WDR7: variants seen among roughly 807,000 people sequenced by gnomAD.
WDR7 encodes WD repeat domain 7, also known as WD repeat-containing protein 7.
WDR7 carries 46 observed loss-of-function variants against 169.4 expected under a neutral mutation model. The ratio of observed to expected loss-of-function variants is 0.27; its 90% CI spans 0.21 to 0.35. The LOEUF is 0.35. WDR7 is among the 10% of genes least tolerant of loss of function. The pLI, the probability that WDR7 is intolerant of heterozygous loss-of-function variation, is 1.00. For synonymous variants in WDR7, 612 were observed against 666.8 expected (o/e 0.92, Z 1.27); for missense variants, 1,534 against 1,859.3 (o/e 0.83, Z 3.22).
intron 21 of WDR7, among the ~76,000 whole-genome samples, chr18:56,902,978 C>T (rs149704768): frequency 1.4e-3 from 211 of 152,222 alleles, no homozygotes; most frequent in African/African-American, 4.9e-3. Context: ...CGTGGTTGCC[C>T]TCCTGACACA....
intron 13 of WDR7, among the ~76,000 whole-genome samples, chr18:56,729,562 A>G (rs780255858): frequency 3.7e-4 from 57 of 152,174 alleles, no homozygotes; most frequent in Middle Eastern, 4.0e-3. Context: ...ATAGCAGAGC[A>G]TGCTTTTAAA....
intron 25 of WDR7, chr18:56,957,397 T>C (rs1162114621): frequency 6.6e-6 from 1 of 151,484 alleles, no homozygotes; most frequent in Non-Finnish European, 1.5e-5. Flanking sequence ...TCCCTTCAAC[T>C]GCGCTTTGCC....
At chr18:56,890,715 A>G (rs188363388) in intron 21 of WDR7, 7 of 152,290 alleles carry the variant, frequency 4.6e-5, no homozygotes, top group African/African-American at 1.4e-4. Flanking sequence ...TGGCACTTGG[A>G]ATGAATCTGG....
chr18:56,667,553 A>G (rs1287381215), intron 1 of WDR7, among the ~76,000 whole-genome samples: 1 of 152,214 alleles, frequency 6.6e-6, no homozygotes, highest in Admixed American at 6.5e-5. Context: ...TTAATAAATT[A>G]TGGTTAAGCA....
At chr18:56,793,896 A>G (rs1224784314) in intron 19 of WDR7, among the ~76,000 whole-genome samples, 1 of 152,164 alleles carries the variant, frequency 6.6e-6, no homozygotes, top group African/African-American at 2.4e-5. Context: ...TGGGGAGAAA[A>G]CACATCAAAC....
At chr18:56,824,975 C>T (rs948497118) in intron 20 of WDR7, among the ~76,000 whole-genome samples, 1 of 152,202 alleles carries the variant, frequency 6.6e-6, no homozygotes, top group South Asian at 2.1e-4. Flanking sequence ...ATAGAATTCT[C>T]AGAGAATCCC....
At chr18:56,740,372 T>C (rs1226226643) in intron 14 of WDR7, among the ~76,000 whole-genome samples, 5 of 152,198 alleles carry the variant, frequency 3.3e-5, no homozygotes, top group African/African-American at 9.6e-5. Context: ...ATCTGCCAAC[T>C]CTAATATCTG....
At chr18:56,972,162 C>G (rs73444865) in intron 26 of WDR7, among the ~76,000 whole-genome samples, 6,618 of 152,160 alleles carry the variant, frequency 0.043, 452 homozygotes, top group African/African-American at 0.15. Context: ...GTCAAGCACT[C>G]TAAGACACTA....
At chr18:56,832,178 G>C (rs893818670) in intron 20 of WDR7, among the ~76,000 whole-genome samples, 4 of 152,176 alleles carry the variant, frequency 2.6e-5, no homozygotes, top group African/African-American at 9.7e-5. Flanking sequence ...CCATTACTGA[G>C]GCTTCAGTAG....
At chr18:56,738,575 C>T (rs1031230240) in intron 14 of WDR7, among the ~76,000 whole-genome samples, 6 of 152,052 alleles carry the variant, frequency 3.9e-5, no homozygotes, top group African/African-American at 1.4e-4. Context: ...AACAAACAAA[C>T]AAATTATTTT....
At chr18:56,844,026 C>G (rs1312478303) in intron 20 of WDR7, among the ~76,000 whole-genome samples, 1 of 151,780 alleles carries the variant, frequency 6.6e-6, no homozygotes, top group Non-Finnish European at 1.5e-5. Flanking sequence ...CCACGCCTGG[C>G]TAATTTTTGT....
At chr18:56,891,505 G>A (rs1033088462) in intron 21 of WDR7, among the ~76,000 whole-genome samples, 2 of 151,916 alleles carry the variant, frequency 1.3e-5, no homozygotes, top group South Asian at 2.1e-4. Flanking sequence ...GTTGTTAAAT[G>A]TGTTTGTAGA....
intron 19 of WDR7, among the ~76,000 whole-genome samples, chr18:56,793,912 C>A (rs1037159669): frequency 6.6e-6 from 1 of 152,102 alleles, no homozygotes; most frequent in Non-Finnish European, 1.5e-5. Flanking sequence ...CAAACAGGGA[C>A]CATTTCAGAG....
intron 20 of WDR7, among the ~76,000 whole-genome samples, chr18:56,864,296 T>G (rs374641803): frequency 6.6e-6 from 1 of 151,558 alleles, no homozygotes; most frequent in Non-Finnish European, 1.5e-5. Context: ...TCAAATATCA[T>G]CTGGTTAAAT....
Position 56,672,668 on chromosome 18 carries a change from A to G in WDR7, c.153A>G (p.Glu51=), listed in dbSNP as rs755486904. 9 of 1,607,598 alleles carry G rather than the reference A, an allele frequency of 5.6e-6. No homozygotes were observed. Among genetic ancestry groups the G allele is most frequent in the African/African-American group, 1.3e-5 (1 of 74,704 alleles). Residue 51 remains glutamate (E), a synonymous_variant, in exon 2 of 28, where the codon GAA becomes GAG. Transcript: ENST00000254442. ...GQICLWDLSV[E]LQINPRALLF... is the part of the protein sequence containing the mutation. ...TATGTCTCTGGGATCTTTCAGTAGA[A>G]CTGCAAGTGAGTATGTGAAATGCCT... is the stretch of plus-strand genomic sequence containing the variant.
At chr18:57,017,480 T>TGC (rs1348277140) in intron 26 of WDR7, among the ~76,000 whole-genome samples, 14 of 35,792 alleles carry the variant, frequency 3.9e-4, no homozygotes, top group East Asian at 3.7e-3. Context: ...AGTCATGCTG[T>TGC]GTGTGTGTGT....
the WDR7 span, chr18:57,036,395 A>G: frequency 6.6e-6 from 1 of 152,282 alleles, no homozygotes; most frequent in African/African-American, 2.4e-5. Flanking sequence ...GCTACACCCA[A>G]TAACCCATCA....
At chr18:56,780,476 TA>T (rs1364413344) in intron 18 of WDR7, among the ~76,000 whole-genome samples, 1 of 152,166 alleles carries the variant, frequency 6.6e-6, no homozygotes, top group Non-Finnish European at 1.5e-5. Flanking sequence ...AAAGTACCAG[TA>T]AAAAAGTTGT....
chr18:56,753,070 T>G (rs893518755), intron 14 of WDR7, among the ~76,000 whole-genome samples: 1 of 152,168 alleles, frequency 6.6e-6, no homozygotes, highest in Admixed American at 6.5e-5. Flanking sequence ...GATTTTATCC[T>G]TGGGTTCAAC....
Sources: allele counts gnomAD v4.1 joint callset (sites outside exome capture counted in the v4.1 genomes callset), GRCh38; gene constraint gnomAD v4.1.1; transcripts MANE v1.5; gene names NCBI Gene and HGNC (gene_info 2026-07-23, HGNC 2026-07-21).